LARGE1: variants seen among roughly 807,000 people sequenced by gnomAD.
LARGE1 encodes the protein xylosyl- and glucuronyltransferase LARGE1.
A neutral mutation model predicts 87.6 loss-of-function variants in LARGE1; 43 were observed. The observed-to-expected ratio is 0.49, with a 90% CI of 0.38 to 0.63. The LOEUF (loss-of-function observed/expected upper bound fraction) is 0.63, where lower values mean the gene tolerates loss of function less well. Ranked by LOEUF, LARGE1 falls within the 30% of genes least tolerant of loss-of-function variation. The pLI, the probability that LARGE1 is intolerant of heterozygous loss-of-function variation, is 0.00. For missense variants in LARGE1, 802 were observed against 1,000.2 expected (o/e 0.80, Z 2.67); for synonymous variants, 434 against 394.6 (o/e 1.10, Z -1.18).
At chr22:33,537,672 G>C (rs1291653340) in intron 6 of LARGE1, among the ~76,000 whole-genome samples, 1 of 152,064 alleles carries the variant, frequency 6.6e-6, no homozygotes, top group East Asian at 1.9e-4. Context: ...GTTCAAGCAA[G>C]TCTCCTCCCT....
chr22:33,829,504 C>A (rs187712335), intron 1 of LARGE1, among the ~76,000 whole-genome samples: 1 of 152,148 alleles, frequency 6.6e-6, no homozygotes, highest in Non-Finnish European at 1.5e-5. Flanking sequence ...CCTGTATCCC[C>A]GGTGCTTAGT....
chr22:33,847,200 G>A (rs544990751), intron 1 of LARGE1, among the ~76,000 whole-genome samples: 48 of 152,266 alleles, frequency 3.2e-4, no homozygotes, highest in Non-Finnish European at 4.0e-4. Context: ...AAGAACCTAC[G>A]TGACTATCGG....
intron 5 of LARGE1, among the ~76,000 whole-genome samples, chr22:33,589,525 AAATT>A (rs1291143956): frequency 5.3e-5 from 8 of 152,146 alleles, no homozygotes; most frequent in African/African-American, 1.4e-4. Context: ...AAATTAATGA[AAATT>A]AATATTTGTT....
chr22:33,724,966 AG>A (rs2083224777), intron 2 of LARGE1: 1 of 152,412 alleles, frequency 6.6e-6, no homozygotes, highest in Non-Finnish European at 1.5e-5. Context: ...GACTTCATAA[AG>A]GGCCCTCTCT....
At chr22:33,255,119 G>A (rs1005492683) in intron 11 of LARGE1, among the ~76,000 whole-genome samples, 3 of 151,932 alleles carry the variant, frequency 2.0e-5, no homozygotes, top group Admixed American at 1.3e-4. Flanking sequence ...TGTGTTTTCC[G>A]CAGAGACGGG....
At chr22:33,773,775 C>G (rs921537378) in intron 1 of LARGE1, among the ~76,000 whole-genome samples, 3 of 152,212 alleles carry the variant, frequency 2.0e-5, no homozygotes, top group Admixed American at 2.0e-4. Context: ...ATGGCAATAT[C>G]AGGCACTCGT....
chr22:33,591,089 TATTC>T (rs1192446521), intron 5 of LARGE1, among the ~76,000 whole-genome samples: 6 of 152,114 alleles, frequency 3.9e-5, no homozygotes, highest in African/African-American at 7.2e-5. Context: ...TAATTCCAGC[TATTC>T]GGGAGGCTGA....
intron 3 of LARGE1, among the ~76,000 whole-genome samples, chr22:33,642,944 T>C (rs899783143): frequency 1.3e-5 from 2 of 152,086 alleles, no homozygotes; most frequent in African/African-American, 4.8e-5. Context: ...CACACAATAA[T>C]AGTGGGAGAC....
chr22:33,420,232 T>A (rs1013740724), intron 7 of LARGE1, among the ~76,000 whole-genome samples: 1 of 152,176 alleles, frequency 6.6e-6, no homozygotes, highest in East Asian at 1.9e-4. Context: ...AAATACTTAG[T>A]GCCTAATACA....
chr22:33,466,182 C>T (rs951727393), intron 6 of LARGE1, among the ~76,000 whole-genome samples: 1 of 152,194 alleles, frequency 6.6e-6, no homozygotes, highest in African/African-American at 2.4e-5. Context: ...TGCTGAAATG[C>T]TCACCCCAAC....
At chr22:33,257,458 CA>C (rs745756692) in intron 11 of LARGE1, among the ~76,000 whole-genome samples, 1 of 93,746 alleles carries the variant, frequency 1.1e-5, no homozygotes, top group Non-Finnish European at 2.3e-5. Flanking sequence ...AAAACAAAAA[CA>C]AAAAAACAAA....
At chr22:33,348,406 T>C (rs1940024660) in intron 9 of LARGE1, among the ~76,000 whole-genome samples, 1 of 151,976 alleles carries the variant, frequency 6.6e-6, no homozygotes, top group Non-Finnish European at 1.5e-5. Flanking sequence ...ACCTACTATA[T>C]TTGAACCTCT....
At chr22:33,908,145 C>G (rs1295587274) in intron 1 of LARGE1, among the ~76,000 whole-genome samples, 1 of 152,160 alleles carries the variant, frequency 6.6e-6, no homozygotes, top group Non-Finnish European at 1.5e-5. Context: ...TTATGCCTGG[C>G]CAGCAAATTC....
Position 33,211,461 on chromosome 22 carries a change from G to T in LARGE1, c.1731-44629C>A, listed in dbSNP as rs139838656. Among the ~76,000 whole-genome samples the T allele has an allele frequency of 1.7e-3, 261 of 152,226 alleles. 4 individuals are homozygous for T. In the East Asian group the frequency reaches 0.03, roughly 17 times the overall value. Reference sequence around the variant, plus strand: ...AGCCTAGCTGTGAACACAAAGGAAAGGTTCTTCAAGGGAATTAAAAGTGCT... The same window carrying T: ...AGCCTAGCTGTGAACACAAAGGAAATGTTCTTCAAGGGAATTAAAAGTGCT... On this transcript the variant is annotated intron_variant, in intron 11 of 11. Coordinates refer to the LARGE1 transcript ENST00000608642.
At chr22:33,440,659 T>C (rs997739445) in intron 6 of LARGE1, among the ~76,000 whole-genome samples, 12 of 152,216 alleles carry the variant, frequency 7.9e-5, no homozygotes, top group African/African-American at 2.9e-4. Flanking sequence ...TATTACCGTT[T>C]ACTAAACCTC....
chr22:33,592,090 G>A (rs2078857394), intron 5 of LARGE1, among the ~76,000 whole-genome samples: 1 of 140,144 alleles, frequency 7.1e-6, no homozygotes, highest in Non-Finnish European at 1.6e-5. Context: ...GAGGAGGGGA[G>A]GGGAGGGGAG....
chr22:33,802,189 G>A (rs1435727425), intron 1 of LARGE1, among the ~76,000 whole-genome samples: 1 of 152,146 alleles, frequency 6.6e-6, no homozygotes, highest in Non-Finnish European at 1.5e-5. Flanking sequence ...CCCAGGCAGA[G>A]CCAAAAATAA....
rs1928583803 is a variant in LARGE1, at chr22:33,273,681, T to C, written c.*746A>G. The C allele has an allele frequency of 1.5e-5, 6 of 398,734 alleles. No individual in the cohort carries two copies. The highest frequency in any genetic ancestry group is 6.2e-4 in the Middle Eastern group (1 of 1,610). 24.7% of individuals were successfully genotyped at this position (398,734 alleles called of 1,614,324 possible). ...ATGTTTAAATATCGGCCGAAGATGCTTGACCTCCTTCCTGGGCCACTGCTG... is the reference window on the plus strand; with the variant it reads ...ATGTTTAAATATCGGCCGAAGATGCCTGACCTCCTTCCTGGGCCACTGCTG... On this transcript the variant is annotated 3_prime_UTR_variant, in exon 15 of 15. Transcript: ENST00000397394.
At chr22:33,135,604 C>T in the LARGE1 span, among the ~76,000 whole-genome samples, 4 of 152,218 alleles carry the variant, frequency 2.6e-5, no homozygotes, top group South Asian at 2.1e-4. Flanking sequence ...CTTTGGGAGA[C>T]GGAGGTGGGT....
Sources: gnomAD v4.1 joint callset for allele counts (sites outside exome capture counted in the v4.1 genomes callset) on GRCh38, gnomAD v4.1.1 for gene constraint, MANE v1.5 for transcripts, NCBI Gene and HGNC (gene_info 2026-07-23, HGNC 2026-07-21) for gene names.